The following SVOP variants were observed in gnomAD, a reference collection of about 807,000 sequenced individuals.
SVOP encodes SV2 related protein.
Under a neutral mutation model 69.1 loss-of-function variants are expected in SVOP, and 17 were observed. The ratio of observed to expected loss-of-function variants is 0.25; its 90% CI spans 0.17 to 0.37. The LOEUF is 0.37. Ranked by LOEUF, SVOP falls within the 10% of genes least tolerant of loss-of-function variation. SVOP has a pLI of 1.00. For missense variants in SVOP, 435 were observed against 597.5 expected, an observed-to-expected ratio of 0.73 and a Z score of 2.84; for synonymous variants, 238 against 238.6, an observed-to-expected ratio of 1.00 and a Z score of 0.02.
At chr12:109,020,751 T>TGGGGGG in intron 1 of SVOP, 83 bp downstream of exon 1, 1 of 398,290 alleles carries the variant, frequency 2.5e-6, no homozygotes. Flanking sequence ...CATGCAGAGA[T>TGGGGGG]GTACCCCCCC....
At chr12:109,017,705 T>C (rs998615143) in intron 1 of SVOP, among the ~76,000 whole-genome samples, 3 of 152,088 alleles carry the variant, frequency 2.0e-5, no homozygotes, top group African/African-American at 7.2e-5. Flanking sequence ...CATGCCTGAC[T>C]AATTTTTTTT....
Position 108,934,289 on chromosome 12 carries a change from GA to G in SVOP, c.972-19del. The G allele has an allele frequency of 6.3e-7, 1 of 1,581,394 alleles. No homozygotes were observed. Among genetic ancestry groups the G allele is most frequent in the Non-Finnish European group, 8.6e-7 (1 of 1,162,620 alleles). ...TGGAAAACCTGCCAGGAGAAAGCAA[GA>G]AAGGTAAAGAAATGATCAGAGGAAC... is the stretch of plus-strand genomic sequence containing the variant. On this transcript the variant is annotated intron_variant, in intron 10 of 15. Coordinates refer to ENST00000610966, the MANE Select transcript of SVOP (RefSeq NM_018711.5).
At chr12:108,972,032 C>T (rs984119983) in intron 5 of SVOP, among the ~76,000 whole-genome samples, 1 of 151,242 alleles carries the variant, frequency 6.6e-6, no homozygotes, top group African/African-American at 2.4e-5. Flanking sequence ...CCAGGAAGAC[C>T]CTGTCTCAAA....
rs549801159 is a variant in SVOP, at chr12:108,950,123, G to A, written c.579-4957C>T. On this transcript the variant is annotated intron_variant, in intron 6 of 15. Coordinates refer to ENST00000610966, the MANE Select transcript of SVOP (RefSeq NM_018711.5). ...CTGTCACCCAGGCTGGAGTGTAATG[G>A]TGCAATCATAGCTCACTGCAGCCTT... 4.6e-5 allele frequency among the ~76,000 whole-genome samples: 7 copies of A among 152,144 alleles called. No homozygotes were observed. In the South Asian group the frequency reaches 1.5e-3, roughly 32 times the overall value.
chr12:108,973,025 G>A (rs2040087766), intron 4 of SVOP, among the ~76,000 whole-genome samples: 2 of 152,324 alleles, frequency 1.3e-5, no homozygotes, highest in Admixed American at 1.3e-4. Flanking sequence ...ATGGGGAGCT[G>A]AGGCTCAGAT....
At chr12:108,955,971 C>A (rs1010259599) in intron 6 of SVOP, among the ~76,000 whole-genome samples, 2 of 152,086 alleles carry the variant, frequency 1.3e-5, no homozygotes, top group Non-Finnish European at 2.9e-5. Flanking sequence ...CAAACCCAAG[C>A]CGTCTGGTTT....
At position 108,922,692 on chromosome 12, in the gene SVOP, G is replaced by A; in HGVS notation, c.1154C>T (p.Pro385Leu). 2 of 1,604,680 alleles carry A rather than the reference G, an allele frequency of 1.2e-6. No homozygotes were observed. The highest frequency in any genetic ancestry group is 1.7e-6 in the Non-Finnish European group (2 of 1,175,040). The stretch of plus-strand genomic sequence containing the variant: ...TTCACCTTGCACAGGTCCCTCACCT[G>A]GAAACTCAGAGAGGGTGGTCCACAG... ...DLLWTTLSEF[P>L]GVLVTLWIID... Residue 385 changes from proline (P) to leucine (L), a missense_variant and splice_region_variant, in exon 12 of 16, where the codon CCA becomes CTA. Transcript: ENST00000610966.
intron 6 of SVOP, among the ~76,000 whole-genome samples, chr12:108,956,576 G>A (rs1474813177): frequency 6.6e-6 from 1 of 152,116 alleles, no homozygotes; most frequent in African/African-American, 2.4e-5. Flanking sequence ...ACATACATTG[G>A]ACTCTTCCAG....
intron 1 of SVOP, among the ~76,000 whole-genome samples, chr12:108,994,780 T>C (rs1303705623): frequency 3.9e-5 from 6 of 152,094 alleles, no homozygotes; most frequent in Non-Finnish European, 8.8e-5. Context: ...ATTGTGATAA[T>C]AGAACACTAG....
chr12:108,953,687 T>C (rs1396090984), intron 6 of SVOP, among the ~76,000 whole-genome samples: 1 of 152,254 alleles, frequency 6.6e-6, no homozygotes, highest in Non-Finnish European at 1.5e-5. Flanking sequence ...AGGAACATTG[T>C]ATAATTTAAG....
intron 11 of SVOP, among the ~76,000 whole-genome samples, chr12:108,925,608 C>G (rs2039775665): frequency 1.3e-5 from 2 of 152,208 alleles, no homozygotes. Context: ...CTTCAAAAAT[C>G]TTTAAGGCCC....
chr12:109,011,992 T>A (rs991079581), intron 1 of SVOP, among the ~76,000 whole-genome samples: 21 of 151,764 alleles, frequency 1.4e-4, no homozygotes, highest in African/African-American at 4.6e-4. Context: ...GTAAAAAAAA[T>A]TTCAGTTAGG....
intron 1 of SVOP, among the ~76,000 whole-genome samples, chr12:108,994,206 A>C (rs894192664): frequency 6.6e-6 from 1 of 152,196 alleles, no homozygotes. Context: ...ATCTTGGCTG[A>C]TACGGGGCAA....
intron 4 of SVOP, among the ~76,000 whole-genome samples, chr12:108,975,233 T>C (rs1430612109): frequency 6.6e-6 from 1 of 152,244 alleles, no homozygotes; most frequent in Non-Finnish European, 1.5e-5. Context: ...TATATCATAA[T>C]AATTACGGTA....
intron 5 of SVOP, among the ~76,000 whole-genome samples, chr12:108,967,820 C>G (rs1324520014): frequency 6.6e-6 from 1 of 152,150 alleles, no homozygotes; most frequent in Admixed American, 6.5e-5. Context: ...GTGCCCCTAG[C>G]CCTGAACTGA....
chr12:108,980,199 AC>A (rs1415770422), intron 2 of SVOP, among the ~76,000 whole-genome samples: 1 of 152,078 alleles, frequency 6.6e-6, no homozygotes, highest in East Asian at 1.9e-4. Flanking sequence ...AATCCAAAAA[AC>A]AAAACTAAAC....
intron 1 of SVOP, among the ~76,000 whole-genome samples, chr12:108,990,205 G>A (rs1432213608): frequency 1.3e-5 from 2 of 152,188 alleles, no homozygotes; most frequent in African/African-American, 2.4e-5. Context: ...CCAGAGAGTG[G>A]AAAACAGCGT....
intron 1 of SVOP, among the ~76,000 whole-genome samples, chr12:108,995,961 TAC>T (rs1292678703): frequency 2.0e-5 from 3 of 151,028 alleles, no homozygotes; most frequent in Non-Finnish European, 3.0e-5. Flanking sequence ...ACAATAAACA[TAC>T]ACACACACAC....
chr12:108,987,336 T>C (rs1000806069), intron 1 of SVOP, among the ~76,000 whole-genome samples: 2 of 152,226 alleles, frequency 1.3e-5, no homozygotes, highest in Non-Finnish European at 2.9e-5. Flanking sequence ...ATTTTGCTGA[T>C]CCATTCATCT....
Sources: allele counts gnomAD v4.1 joint callset (sites outside exome capture counted in the v4.1 genomes callset), GRCh38; gene constraint gnomAD v4.1.1; transcripts MANE v1.5; gene names NCBI Gene and HGNC (gene_info 2026-07-23, HGNC 2026-07-21).